Variants in PAPPA2 observed in about 807,000 individuals in gnomAD.
The protein encoded by PAPPA2 is pappalysin 2.
A neutral mutation model predicts 176.4 loss-of-function variants in PAPPA2; 86 were observed. The observed-to-expected ratio is 0.49, with a 90% confidence interval of 0.41 to 0.58. The LOEUF (loss-of-function observed/expected upper bound fraction) is 0.58, where lower values mean the gene tolerates loss of function less well. Ranked by LOEUF, PAPPA2 falls within the 20% of genes least tolerant of loss-of-function variation. The pLI is 0.00. For synonymous variants in PAPPA2, 809 were observed against 852.2 expected, an observed-to-expected ratio of 0.95 and a Z score of 0.88; for missense variants, 2,073 against 2,256.9, an observed-to-expected ratio of 0.92 and a Z score of 1.65.
intron 1 of PAPPA2, among the ~76,000 whole-genome samples, chr1:176,498,623 G>A (rs61821101): frequency 3.3e-5 from 5 of 151,836 alleles, no homozygotes; most frequent in African/African-American, 7.3e-5. Context: ...GGTGGCGGGC[G>A]CCTGTAGTCC....
chr1:176,607,996 A>G (rs1573118389), intron 3 of PAPPA2, among the ~76,000 whole-genome samples: 1 of 152,232 alleles, frequency 6.6e-6, no homozygotes, highest in African/African-American at 2.4e-5. Flanking sequence ...ACAAACAAGT[A>G]TGAGTGAAAC....
chr1:176,566,364 C>T (rs1006566432), intron 2 of PAPPA2, among the ~76,000 whole-genome samples: 1 of 152,200 alleles, frequency 6.6e-6, no homozygotes, highest in East Asian at 1.9e-4. Context: ...ACTCCAGCTT[C>T]AGTGCCTGGC....
chr1:176,725,956 AT>A (rs956486925), intron 12 of PAPPA2, among the ~76,000 whole-genome samples: 12 of 151,976 alleles, frequency 7.9e-5, no homozygotes, highest in African/African-American at 2.9e-4. Context: ...ATTGTTTTGT[AT>A]TTTTAGTAGA....
At chr1:176,724,925 G>C (rs932120937) in intron 12 of PAPPA2, among the ~76,000 whole-genome samples, 2 of 152,272 alleles carry the variant, frequency 1.3e-5, no homozygotes, top group African/African-American at 2.4e-5. Flanking sequence ...GCACTGGCTA[G>C]TAGAGCTACA....
chr1:176,593,812 G>A (rs1413373759), intron 2 of PAPPA2, among the ~76,000 whole-genome samples: 1 of 152,176 alleles, frequency 6.6e-6, no homozygotes, highest in Non-Finnish European at 1.5e-5. Flanking sequence ...GCGGTGGGTG[G>A]TATTGGGTAT....
intron 17 of PAPPA2, among the ~76,000 whole-genome samples, chr1:176,783,646 T>C (rs1664811178): frequency 6.6e-6 from 1 of 152,162 alleles, no homozygotes. Context: ...TAACCCCGAC[T>C]CCTCGTGATA....
At chr1:176,666,543 G>C (rs76728689) in intron 3 of PAPPA2, among the ~76,000 whole-genome samples, 1 of 144,648 alleles carries the variant, frequency 6.9e-6, no homozygotes, top group Non-Finnish European at 1.5e-5. Flanking sequence ...ATACAAATAG[G>C]TAAGGAAGTA....
chr1:176,842,389 T>C lies in PAPPA2; in HGVS notation c.5311T>C (p.Phe1771Leu). ...STLSSKKVIP[F>L]AADCDLDECT... Reference sequence around the variant, plus strand: ...CCTTTCATTCCCCTAGGTCATTCCATTTGCTGCTGACTGTGACCTGGATGA... The same window carrying C: ...CCTTTCATTCCCCTAGGTCATTCCACTTGCTGCTGACTGTGACCTGGATGA... The change falls in exon 23 of 23, where the codon TTT (phenylalanine) becomes CTT (leucine). Residue 1771 changes from phenylalanine (F) to leucine (L), a missense_variant. Phe to Leu is a conservative substitution (Grantham distance 22). Transcript: ENST00000367662. 1 of 1,613,186 alleles carries C rather than the reference T, an allele frequency of 6.2e-7. No homozygotes were observed. Among genetic ancestry groups the C allele is most frequent in the Non-Finnish European group, 8.5e-7 (1 of 1,179,392 alleles).
At chr1:176,784,673 G>A (rs1220482662) in intron 17 of PAPPA2, among the ~76,000 whole-genome samples, 4 of 150,488 alleles carry the variant, frequency 2.7e-5, no homozygotes, top group Admixed American at 2.0e-4. Context: ...TACAACCTCC[G>A]CCTCCCAGGT....
chr1:176,595,795 A>C (rs952545196), intron 3 of PAPPA2, among the ~76,000 whole-genome samples, 200 bp downstream of exon 3: 5 of 152,220 alleles, frequency 3.3e-5, no homozygotes, highest in African/African-American at 9.6e-5. Flanking sequence ...GAAAAGAGAC[A>C]GTCCTCACAG....
Position 176,699,329 on chromosome 1 carries a change from G to A in PAPPA2, c.2976G>A (p.Glu992=), listed in dbSNP as rs199882569. 139 of 1,614,062 alleles carry A rather than the reference G, an allele frequency of 8.6e-5. No individual in the cohort carries two copies. The highest frequency in any genetic ancestry group is 1.1e-4 in the Non-Finnish European group (135 of 1,180,040). The change falls in exon 8 of 23, where the codon GAG becomes GAA. Residue 992 remains glutamate, a synonymous_variant. Transcript: ENST00000367662. ...CAGAGATCTTGCTGGAAAACAAGGA[G>A]TCAGTGCACCTGGGCCCCTTAGACA... is the stretch of plus-strand genomic sequence containing the variant. ...FDTEILLENK[E]SVHLGPLDTF...
intron 14 of PAPPA2, among the ~76,000 whole-genome samples, chr1:176,760,433 G>A (rs1428512365): frequency 1.3e-5 from 2 of 152,114 alleles, no homozygotes; most frequent in African/African-American, 2.4e-5. Context: ...TTATGGGGTG[G>A]AGCTTTACTC....
At chr1:176,547,815 T>C (rs564236508) in intron 1 of PAPPA2, among the ~76,000 whole-genome samples, 33 of 152,298 alleles carry the variant, frequency 2.2e-4, no homozygotes, top group Non-Finnish European at 3.8e-4. Flanking sequence ...GGAGGTGATA[T>C]CATTTCTGGT....
intron 2 of PAPPA2, among the ~76,000 whole-genome samples, chr1:176,569,621 G>A (rs1486899563): frequency 6.6e-6 from 1 of 152,176 alleles, no homozygotes; most frequent in African/African-American, 2.4e-5. Flanking sequence ...AAGCAGACAT[G>A]GTTCCACTGC....
chr1:176,679,688 G>C (rs1213780872), intron 4 of PAPPA2, among the ~76,000 whole-genome samples: 1 of 152,098 alleles, frequency 6.6e-6, no homozygotes, highest in Non-Finnish European at 1.5e-5. Flanking sequence ...TCTGAGCAAG[G>C]GGGAAAAATA....
intron 1 of PAPPA2, among the ~76,000 whole-genome samples, chr1:176,468,467 G>A (rs1042322039): frequency 6.6e-6 from 1 of 152,108 alleles, no homozygotes; most frequent in African/African-American, 2.4e-5. Flanking sequence ...CCAGGTATAT[G>A]GTCCCATCTC....
intron 3 of PAPPA2, among the ~76,000 whole-genome samples, chr1:176,599,939 C>T (rs1258752900): frequency 6.6e-6 from 1 of 152,072 alleles, no homozygotes; most frequent in African/African-American, 2.4e-5. Flanking sequence ...TCTCAGCTCT[C>T]TTATACTTAT....
intron 1 of PAPPA2, among the ~76,000 whole-genome samples, chr1:176,526,997 G>C (rs1448806300): frequency 6.6e-6 from 1 of 152,042 alleles, no homozygotes; most frequent in Non-Finnish European, 1.5e-5. Flanking sequence ...TGTAGAGATG[G>C]GGTCTCATTA....
chr1:176,833,024 G>T (rs1265870061), intron 21 of PAPPA2, among the ~76,000 whole-genome samples: 2 of 152,150 alleles, frequency 1.3e-5, no homozygotes, highest in Admixed American at 1.3e-4. Context: ...TACCACACAT[G>T]GACCAGTGAT....
Sources: allele counts gnomAD v4.1 joint callset (sites outside exome capture counted in the v4.1 genomes callset), GRCh38; gene constraint gnomAD v4.1.1; transcripts MANE v1.5; gene names NCBI Gene and HGNC (gene_info 2026-07-23, HGNC 2026-07-21).